Variants in BMAL1 observed in about 807,000 individuals in gnomAD.
BMAL1 encodes basic helix-loop-helix ARNT like 1.
chr11:13,370,102 C>CT, the BMAL1 span, among the ~76,000 whole-genome samples: 1 of 152,218 alleles, frequency 6.6e-6, no homozygotes, highest in Non-Finnish European at 1.5e-5. Context: ...CACCAGTGAC[C>CT]TTGATGTTGT....
the BMAL1 span, among the ~76,000 whole-genome samples, chr11:13,312,546 T>C: frequency 6.6e-6 from 1 of 152,318 alleles, no homozygotes; most frequent in Admixed American, 6.5e-5. Context: ...TAAAATTTAG[T>C]TGAAGGCAGC....
At chr11:13,378,249 T>C in the BMAL1 span, 1 of 1,440,982 alleles carries the variant, frequency 6.9e-7, no homozygotes, top group South Asian at 1.5e-5. Context: ...TGCAAATGGA[T>C]CATGGGATAA....
chr11:13,378,321 G>T, the BMAL1 span: 2 of 1,588,574 alleles, frequency 1.3e-6, no homozygotes, highest in Non-Finnish European at 1.7e-6. Flanking sequence ...CCTACTCTCA[G>T]ATTCCTTTGT....
the BMAL1 span, among the ~76,000 whole-genome samples, chr11:13,289,683 T>TCATC: frequency 1.7e-4 from 26 of 152,318 alleles, 1 homozygote; most frequent in African/African-American, 6.0e-4. Flanking sequence ...GTTTCTAGCT[T>TCATC]CATCCATGTC....
the BMAL1 span, among the ~76,000 whole-genome samples, chr11:13,372,773 TGCACTTCCGCCTGG>T: frequency 2.0e-5 from 3 of 152,090 alleles, no homozygotes; most frequent in East Asian, 3.9e-4. Context: ...ATTGCACCAC[TGCACTTCCGCCTGG>T]GCAACAGAGT....
the BMAL1 span, among the ~76,000 whole-genome samples, chr11:13,314,721 C>T: frequency 5.3e-5 from 8 of 152,226 alleles, no homozygotes; most frequent in Non-Finnish European, 8.8e-5. Context: ...TTGCGAACTA[C>T]TGTCTGACAG....
At chr11:13,319,971 A>G in the BMAL1 span, among the ~76,000 whole-genome samples, 1 of 152,232 alleles carries the variant, frequency 6.6e-6, no homozygotes, top group Non-Finnish European at 1.5e-5. Flanking sequence ...TTACTGAGCT[A>G]GATGAGGAAA....
chr11:13,278,068 G>C, the BMAL1 span: 1 of 152,020 alleles, frequency 6.6e-6, no homozygotes, highest in Admixed American at 6.5e-5. Context: ...GCCCGCTGCC[G>C]GCCTTAAAGG....
At chr11:13,335,339 T>C in the BMAL1 span, among the ~76,000 whole-genome samples, 4 of 152,224 alleles carry the variant, frequency 2.6e-5, no homozygotes, top group Admixed American at 2.0e-4. Context: ...CTGTCTGCTG[T>C]TGGGTTTTGT....
the BMAL1 span, chr11:13,357,137 C>T: frequency 6.2e-7 from 1 of 1,612,072 alleles, no homozygotes; most frequent in Non-Finnish European, 8.5e-7. This position sits in a 1 kb window ranked among gnomAD's most constrained non-coding sequence, Gnocchi z 4.8. Context: ...CATCCTAGTT[C>T]TGGTTGCTTA....
the BMAL1 span, among the ~76,000 whole-genome samples, chr11:13,367,389 T>C: frequency 6.6e-6 from 1 of 152,080 alleles, no homozygotes; most frequent in South Asian, 2.1e-4. Flanking sequence ...TGTACACTCC[T>C]ACAGTTAAGA....
the BMAL1 span, chr11:13,376,560 C>G: frequency 7.3e-7 from 1 of 1,366,116 alleles, no homozygotes; most frequent in Non-Finnish European, 1.0e-6. Flanking sequence ...GAGTGGACAC[C>G]GGACACCTTG....
chr11:13,355,005 G>A, the BMAL1 span: 8 of 381,530 alleles, frequency 2.1e-5, no homozygotes, highest in Non-Finnish European at 3.8e-5. Context: ...TTGACTTTTC[G>A]TTTGAGTAAG....
the BMAL1 span, among the ~76,000 whole-genome samples, chr11:13,288,366 G>C: frequency 2.2e-5 from 2 of 92,686 alleles, no homozygotes; most frequent in Non-Finnish European, 4.8e-5. Flanking sequence ...TCTAGATGCA[G>C]GATTTGGGTT....
At chr11:13,384,174 GC>G in the BMAL1 span, among the ~76,000 whole-genome samples, 11 of 152,028 alleles carry the variant, frequency 7.2e-5, no homozygotes, top group African/African-American at 2.7e-4. Context: ...GACATTTGTT[GC>G]CAATGATAAA....
chr11:13,386,715 G>C, the BMAL1 span: 1 of 1,614,172 alleles, frequency 6.2e-7, no homozygotes, highest in Non-Finnish European at 8.5e-7. Flanking sequence ...TGCTGGACTG[G>C]GTGGCCCTGT....
chr11:13,314,660 C>G, the BMAL1 span, among the ~76,000 whole-genome samples: 13 of 152,188 alleles, frequency 8.5e-5, no homozygotes, highest in African/African-American at 3.1e-4. Context: ...GTCCACCCAC[C>G]TTGGTCCTGG....
chr11:13,370,887 A>AT, the BMAL1 span, among the ~76,000 whole-genome samples: 1 of 152,194 alleles, frequency 6.6e-6, no homozygotes, highest in African/African-American at 2.4e-5. Context: ...TTGATGCCTC[A>AT]AGCCCCTTCT....
At chr11:13,278,414 C>T in the BMAL1 span, among the ~76,000 whole-genome samples, 1 of 152,210 alleles carries the variant, frequency 6.6e-6, no homozygotes, top group African/African-American at 2.4e-5. Context: ...TGGTGGCTGC[C>T]CCTCAAGGGC....
Sources: gnomAD v4.1 joint callset for allele counts (sites outside exome capture counted in the v4.1 genomes callset) on GRCh38, gnomAD v4.1.1 for gene constraint, Gnocchi (gnomAD v3.1) non-coding constraint, MANE v1.5 for transcripts, NCBI Gene and HGNC (gene_info 2026-07-23, HGNC 2026-07-21) for gene names.